The following SPSB1 variants were observed in gnomAD, a reference collection of about 807,000 sequenced individuals.
SPSB1 encodes SPRY domain-containing SOCS box protein 1.
SPSB1 carries 8 observed loss-of-function variants against 21.2 expected under a neutral mutation model. That is an observed-to-expected ratio of 0.38 (90% CI 0.22 to 0.68). SPSB1 has a LOEUF of 0.68. Among genes scored for constraint, SPSB1 ranks in the 30% least tolerant of loss-of-function variants. SPSB1 has a pLI of 0.53. For missense variants in SPSB1, 242 were observed against 377.8 expected, an observed-to-expected ratio of 0.64 and a Z score of 2.98; for synonymous variants, 169 against 161.7, an observed-to-expected ratio of 1.05 and a Z score of -0.34.
At chr1:9,325,664 G>A (rs1185362288) in intron 1 of SPSB1, among the ~76,000 whole-genome samples, 1 of 152,196 alleles carries the variant, frequency 6.6e-6, no homozygotes, top group Admixed American at 6.5e-5. Flanking sequence ...TCCAGCCCCT[G>A]TGTTCTCACA....
rs907555250 is a variant in SPSB1, at chr1:9,348,171, C to T, written c.-149-7572C>T. On this transcript the variant is annotated intron_variant, in intron 1 of 2. Coordinates refer to ENST00000328089, the MANE Select transcript of SPSB1 (RefSeq NM_025106.4). The surrounding 1 kb of genome is among the most constrained non-coding windows in gnomAD (Gnocchi z 4.8). Reference sequence around the variant, plus strand: ...TGTTGGCCAGACTGGTCTCAAACTCCTGACCTCAGGTGATCTGCCCACCTC... The same window carrying T: ...TGTTGGCCAGACTGGTCTCAAACTCTTGACCTCAGGTGATCTGCCCACCTC... Among the ~76,000 whole-genome samples, 1 of 151,964 alleles carries T rather than the reference C, an allele frequency of 6.6e-6. No homozygotes were observed. The highest frequency in any genetic ancestry group is 1.5e-5 in the Non-Finnish European group (1 of 67,986).
At chr1:9,354,952 C>T (rs1179556014) in intron 1 of SPSB1, among the ~76,000 whole-genome samples, 4 of 152,182 alleles carry the variant, frequency 2.6e-5, no homozygotes, top group Admixed American at 6.5e-5. Context: ...ATCCTAGCAT[C>T]GGACTTTCCT....
At chr1:9,326,491 G>A (rs986349929) in intron 1 of SPSB1, among the ~76,000 whole-genome samples, 1 of 152,204 alleles carries the variant, frequency 6.6e-6, no homozygotes, top group East Asian at 1.9e-4. Context: ...GGTTCACCTC[G>A]AGACCACCAG....
intron 1 of SPSB1, among the ~76,000 whole-genome samples, chr1:9,300,960 G>A (rs977184103): frequency 2.6e-5 from 4 of 152,248 alleles, no homozygotes; most frequent in Non-Finnish European, 4.4e-5. Flanking sequence ...GGCACAACCC[G>A]AAAGTGGACA....
Position 9,299,313 on chromosome 1 carries a change from A to G in SPSB1, c.-150+6242A>G, listed in dbSNP as rs368210749. On this transcript the variant is annotated intron_variant, in intron 1 of 2. Transcript: ENST00000328089. The stretch of plus-strand genomic sequence containing the variant: ...CCAGCCCTATGTCACAGTTTAGTTC[A>G]CAGTCATCTTGATCACCTTTCCCTT... 1.9e-3 allele frequency among the ~76,000 whole-genome samples: 286 copies of G among 152,266 alleles called. 1 individual carries two copies. Among genetic ancestry groups the G allele is most frequent in the Middle Eastern group, 0.01 (3 of 294 alleles).
intron 1 of SPSB1, among the ~76,000 whole-genome samples, chr1:9,343,889 C>T (rs904270805): frequency 6.6e-6 from 1 of 152,084 alleles, no homozygotes; most frequent in African/African-American, 2.4e-5. Context: ...GGGTTCATGC[C>T]ATTCTCCTGC....
At chr1:9,309,067 A>G (rs926645298) in intron 1 of SPSB1, among the ~76,000 whole-genome samples, 1 of 151,860 alleles carries the variant, frequency 6.6e-6, no homozygotes, top group Non-Finnish European at 1.5e-5. Context: ...GTAGGGGACC[A>G]GGAGATTGAC....
intron 1 of SPSB1, among the ~76,000 whole-genome samples, chr1:9,310,889 G>A (rs1227900331): frequency 1.3e-5 from 2 of 152,148 alleles, no homozygotes; most frequent in Admixed American, 6.5e-5. Context: ...GGGCCACAGC[G>A]TGCTTAATTT....
intron 1 of SPSB1, among the ~76,000 whole-genome samples, chr1:9,313,947 G>A (rs975489461): frequency 1.3e-5 from 2 of 152,182 alleles, no homozygotes; most frequent in African/African-American, 2.4e-5. Flanking sequence ...AGGCCTAGGC[G>A]GGCGGATCAC....
chr1:9,295,245 C>T (rs1035937210), intron 1 of SPSB1, among the ~76,000 whole-genome samples: 4 of 150,668 alleles, frequency 2.7e-5, no homozygotes, highest in African/African-American at 7.3e-5. Context: ...TGTGTGTGCG[C>T]GCGTGCGGTT....
intron 1 of SPSB1, among the ~76,000 whole-genome samples, chr1:9,314,704 C>T (rs1304828181): frequency 6.6e-6 from 1 of 152,222 alleles, no homozygotes; most frequent in Non-Finnish European, 1.5e-5. Context: ...CCTTGAGTGT[C>T]AGACTTGAAT....
chr1:9,308,226 G>T (rs1351473134), intron 1 of SPSB1, among the ~76,000 whole-genome samples: 15 of 152,220 alleles, frequency 9.9e-5, no homozygotes, highest in African/African-American at 2.4e-5. Flanking sequence ...CTTCTTGCCA[G>T]TGCTGTTGGG....
chr1:9,318,653 C>G (rs507656), intron 1 of SPSB1, among the ~76,000 whole-genome samples: 94,035 of 152,098 alleles, frequency 0.62, 29,897 homozygotes, highest in Middle Eastern at 0.73. Context: ...AAAGCCAGAC[C>G]GTGTGGCTGG....
intron 1 of SPSB1, among the ~76,000 whole-genome samples, chr1:9,331,347 T>TTTTTA (rs1639916323): frequency 7.3e-6 from 1 of 136,434 alleles, no homozygotes; most frequent in African/African-American, 2.7e-5. Context: ...TTTTTTTTTT[T>TTTTTA]GAGGTGGAGT....
rs1181571917 is a variant in SPSB1 at position 9,346,751 on chromosome 1, G to A, written c.-149-8992G>A. ...GTCTATCAGGGGTGGAACAGCCACCGGTGTTTCTGATGGGGCCACCTCACC... is the reference window on the plus strand; with the variant it reads ...GTCTATCAGGGGTGGAACAGCCACCAGTGTTTCTGATGGGGCCACCTCACC... On this transcript the variant is annotated intron_variant, in intron 1 of 2. Transcript: ENST00000328089. This position sits in a 1 kb window ranked among gnomAD's most constrained non-coding sequence, Gnocchi z 4.4. 2.0e-5 allele frequency among the ~76,000 whole-genome samples: 3 copies of A among 152,226 alleles called. No individual in the cohort carries two copies. Among genetic ancestry groups the A allele is most frequent in the East Asian group, 1.9e-4 (1 of 5,196 alleles).
chr1:9,352,957 A>G (rs1231811296), intron 1 of SPSB1, among the ~76,000 whole-genome samples: 3 of 151,670 alleles, frequency 2.0e-5, no homozygotes, highest in East Asian at 1.9e-4. Context: ...GTTGAGCGGC[A>G]GGGGGGCTGT....
In SPSB1 at chr1:9,317,452, A is replaced by C. The variant is rs1376156978; in HGVS notation, c.-150+24381A>C. Among the ~76,000 whole-genome samples, 1 of 151,906 alleles carries C rather than the reference A, an allele frequency of 6.6e-6. No homozygotes were observed. Among genetic ancestry groups the C allele is most frequent in the African/African-American group, 2.4e-5 (1 of 41,322 alleles). ...AGGGGTGTGGGGGCGTGTGGTAGAG[A>C]TTTTCAGACCACCAGGTGAGAACAG... On this transcript the variant is annotated intron_variant, in intron 1 of 2. Transcript: ENST00000328089. This position sits in a 1 kb window ranked among gnomAD's most constrained non-coding sequence, Gnocchi z 4.3.
At chr1:9,349,361 C>G (rs997694956) in intron 1 of SPSB1, among the ~76,000 whole-genome samples, 3 of 152,250 alleles carry the variant, frequency 2.0e-5, no homozygotes, top group Non-Finnish European at 4.4e-5. Context: ...CCTTTATCCC[C>G]CACCTGCTTG....
intron 1 of SPSB1, among the ~76,000 whole-genome samples, chr1:9,316,531 C>T (rs562085449): frequency 4.6e-5 from 7 of 152,268 alleles, no homozygotes; most frequent in Middle Eastern, 3.4e-3. Flanking sequence ...CCAGGCATCA[C>T]GCCTTGAGGT....
Sources: allele counts gnomAD v4.1 joint callset (sites outside exome capture counted in the v4.1 genomes callset), GRCh38; gene constraint gnomAD v4.1.1; non-coding constraint Gnocchi (gnomAD v3.1); transcripts MANE v1.5; gene names NCBI Gene and HGNC (gene_info 2026-07-23, HGNC 2026-07-21).